The following STARD13 variants were observed in gnomAD, a reference collection of about 807,000 sequenced individuals.
The protein encoded by STARD13 is StAR related lipid transfer domain containing 13.
STARD13 carries 62 observed loss-of-function variants against 106.4 expected under a neutral mutation model. That is an observed-to-expected ratio of 0.58 (90% confidence interval 0.48 to 0.72). The LOEUF is 0.72. STARD13 is among the 30% of genes least tolerant of loss of function. The probability of loss-of-function intolerance (pLI) is 0.00; values close to 1 mark genes in which losing one functional copy is unlikely to be tolerated. For synonymous variants in STARD13, 565 were observed against 553.0 expected (o/e 1.02, Z -0.31); for missense variants, 1,387 against 1,424.0 (o/e 0.97, Z 0.42).
chr13:33,387,252 A>G, the STARD13 span, among the ~76,000 whole-genome samples: 1 of 152,032 alleles, frequency 6.6e-6, no homozygotes, highest in African/African-American at 2.4e-5. Flanking sequence ...CAATCCTCCC[A>G]CTTCAGCTCC....
At chr13:33,386,314 C>T in the STARD13 span, among the ~76,000 whole-genome samples, 2 of 152,196 alleles carry the variant, frequency 1.3e-5, no homozygotes, top group Non-Finnish European at 2.9e-5. Context: ...TTCAGTTTCC[C>T]CTTTCTCCCC....
the STARD13 span, among the ~76,000 whole-genome samples, chr13:33,487,545 C>T: frequency 4.6e-5 from 7 of 152,222 alleles, no homozygotes; most frequent in South Asian, 1.5e-3. Context: ...AGAGACATTC[C>T]CAAGACTCTG....
At chr13:33,528,843 C>G in the STARD13 span, among the ~76,000 whole-genome samples, 394 of 152,170 alleles carry the variant, frequency 2.6e-3, no homozygotes, top group Non-Finnish European at 4.6e-3. Flanking sequence ...CATGATTCCT[C>G]TGCTTACTGT....
At chr13:33,155,222 C>A (rs1400170992) in intron 3 of STARD13, among the ~76,000 whole-genome samples, 1 of 152,134 alleles carries the variant, frequency 6.6e-6, no homozygotes, top group African/African-American at 2.4e-5. Flanking sequence ...ACTCGCTCCT[C>A]CTTCATGGTT....
chr13:33,183,199 G>C (rs1885415096), intron 1 of STARD13, among the ~76,000 whole-genome samples: 1 of 152,142 alleles, frequency 6.6e-6, no homozygotes, highest in South Asian at 2.1e-4. Context: ...TCCCCCATTA[G>C]ACCACAGCTC....
chr13:33,241,537 C>T (rs1325233029), intron 1 of STARD13, among the ~76,000 whole-genome samples: 1 of 145,418 alleles, frequency 6.9e-6, no homozygotes. Flanking sequence ...AAAAGTATGC[C>T]CCTCCCCCTC....
At chr13:33,428,139 A>T in the STARD13 span, among the ~76,000 whole-genome samples, 1 of 152,134 alleles carries the variant, frequency 6.6e-6, no homozygotes, top group African/African-American at 2.4e-5. Context: ...GAAGAATAAA[A>T]CTAGACTGTT....
At chr13:33,224,415 A>T (rs767030650) in intron 1 of STARD13, among the ~76,000 whole-genome samples, 3 of 152,226 alleles carry the variant, frequency 2.0e-5, no homozygotes, top group Admixed American at 6.5e-5. Flanking sequence ...AGCTTCATAC[A>T]ACACAAGTGT....
intron 1 of STARD13, among the ~76,000 whole-genome samples, chr13:33,283,071 C>T (rs1164174703): frequency 6.6e-6 from 1 of 152,088 alleles, no homozygotes; most frequent in African/African-American, 2.4e-5. Flanking sequence ...AATAACTTGA[C>T]ATCCTGTGTT....
the STARD13 span, among the ~76,000 whole-genome samples, chr13:33,620,600 C>A: frequency 1.4e-3 from 208 of 152,032 alleles, 1 homozygote; most frequent in Non-Finnish European, 2.5e-3. Flanking sequence ...GCATTCTTTT[C>A]AAGTACACAT....
At chr13:33,198,167 C>G (rs1886773942) in intron 1 of STARD13, among the ~76,000 whole-genome samples, 1 of 152,050 alleles carries the variant, frequency 6.6e-6, no homozygotes, top group South Asian at 2.1e-4. Flanking sequence ...GACTCCGTCT[C>G]AAAAAAACAA....
intron 1 of STARD13, among the ~76,000 whole-genome samples, chr13:33,195,559 G>A (rs114789376): frequency 6.6e-5 from 10 of 152,258 alleles, no homozygotes; most frequent in East Asian, 3.9e-4. Flanking sequence ...CAGATTTGCC[G>A]CATGGACAGA....
the STARD13 span, among the ~76,000 whole-genome samples, chr13:33,610,510 G>C: frequency 6.6e-6 from 1 of 152,240 alleles, no homozygotes; most frequent in African/African-American, 2.4e-5. Context: ...CCAGCCCCGC[G>C]CTGCTCCTGC....
At chr13:33,437,002 A>G in the STARD13 span, among the ~76,000 whole-genome samples, 1 of 152,022 alleles carries the variant, frequency 6.6e-6, no homozygotes, top group Non-Finnish European at 1.5e-5. Flanking sequence ...TGACTACCAT[A>G]TTCTGTTAAG....
At chr13:33,628,324 T>C in the STARD13 span, among the ~76,000 whole-genome samples, 1 of 152,200 alleles carries the variant, frequency 6.6e-6, no homozygotes, top group Non-Finnish European at 1.5e-5. Flanking sequence ...TTAGTATTAA[T>C]AACAAGCCTG....
chr13:33,209,443 TTC>T (rs200338080), intron 1 of STARD13, among the ~76,000 whole-genome samples: 2 of 137,946 alleles, frequency 1.4e-5, no homozygotes, highest in South Asian at 2.4e-4. Context: ...TGTCTGAATC[TTC>T]TCTCTCTCTC....
chr13:33,283,591 TA>T (rs1298440764), intron 1 of STARD13, among the ~76,000 whole-genome samples: 1 of 152,222 alleles, frequency 6.6e-6, no homozygotes, highest in Non-Finnish European at 1.5e-5. Flanking sequence ...TGTTAACACA[TA>T]ATGATTTCTG....
intron 1 of STARD13, among the ~76,000 whole-genome samples, chr13:33,307,657 G>A (rs989531300): frequency 6.6e-6 from 1 of 152,116 alleles, no homozygotes; most frequent in Admixed American, 6.5e-5. Context: ...GGCCTGTCAG[G>A]GAGTTGGGGA....
upstream of STARD13, among the ~76,000 whole-genome samples, chr13:33,354,275 G>A (rs1195930377): frequency 1.3e-5 from 2 of 152,116 alleles, no homozygotes; most frequent in Non-Finnish European, 2.9e-5. Flanking sequence ...TGCACTCTAC[G>A]TCTTTATACA....
Sources: gnomAD v4.1 joint callset for allele counts (sites outside exome capture counted in the v4.1 genomes callset) on GRCh38, gnomAD v4.1.1 for gene constraint, MANE v1.5 for transcripts, NCBI Gene and HGNC (gene_info 2026-07-23, HGNC 2026-07-21) for gene names.